The following ARSG variants were observed in gnomAD, a reference collection of about 807,000 sequenced individuals.
The protein encoded by ARSG is ASG.
A neutral mutation model predicts 50.5 loss-of-function variants in ARSG; 37 were observed. That is an observed-to-expected ratio of 0.73 (90% CI 0.56 to 0.96). The LOEUF (loss-of-function observed/expected upper bound fraction) is 0.96. Among genes scored for constraint, ARSG ranks in the 50% least tolerant of loss-of-function variants. ARSG has a pLI of 0.00. For missense variants in ARSG, 629 were observed against 675.3 expected, an observed-to-expected ratio of 0.93 and a Z score of 0.76; for synonymous variants, 225 against 254.6, an observed-to-expected ratio of 0.88 and a Z score of 1.11.
intron 2 of ARSG, among the ~76,000 whole-genome samples, chr17:68,326,809 G>A (rs1421156850): frequency 2.0e-5 from 3 of 152,194 alleles, no homozygotes; most frequent in Admixed American, 1.3e-4. Flanking sequence ...CCCGTGTTGT[G>A]TCACACCTGG....
At chr17:68,267,448 A>G (rs1284387448) in intron 1 of ARSG, 4 of 152,116 alleles carry the variant, frequency 2.6e-5, no homozygotes, top group Admixed American at 6.5e-5. Flanking sequence ...TCTATGGCTG[A>G]TAAGATGCTC....
downstream of ARSG, among the ~76,000 whole-genome samples, chr17:68,426,404 A>G (rs546141142): frequency 6.6e-6 from 1 of 151,798 alleles, no homozygotes; most frequent in South Asian, 2.1e-4. Context: ...ACCTCTTTGA[A>G]TTTTTCTTTG....
the ARSG span, among the ~76,000 whole-genome samples, chr17:68,437,791 T>C: frequency 3.3e-5 from 5 of 151,802 alleles, no homozygotes; most frequent in African/African-American, 4.8e-5. Context: ...TGTTTTTATT[T>C]ATAAGGGGAT....
chr17:68,396,416 C>T (rs1398829040), intron 10 of ARSG, among the ~76,000 whole-genome samples: 1 of 152,208 alleles, frequency 6.6e-6, no homozygotes, highest in African/African-American at 2.4e-5. Context: ...CTGAAGCACT[C>T]ATTGGCAGTG....
intron 1 of ARSG, among the ~76,000 whole-genome samples, chr17:68,270,241 G>A (rs1485341022): frequency 1.3e-5 from 2 of 152,122 alleles, no homozygotes; most frequent in African/African-American, 4.8e-5. Flanking sequence ...TGCCTAGCAT[G>A]AGAGAAGGCA....
chr17:68,318,307 G>C (rs1341056132), intron 2 of ARSG, among the ~76,000 whole-genome samples: 1 of 152,182 alleles, frequency 6.6e-6, no homozygotes, highest in Non-Finnish European at 1.5e-5. Flanking sequence ...ACACTAGTTT[G>C]GTTCTTGCTG....
intron 11 of ARSG, among the ~76,000 whole-genome samples, chr17:68,407,908 T>C (rs920663489): frequency 5.9e-5 from 9 of 152,070 alleles, no homozygotes; most frequent in Non-Finnish European, 1.2e-4. Flanking sequence ...TCCAGTAGTA[T>C]GTTGAAGAGG....
chr17:68,426,254 G>GGGGGGGGGGGCCCCCCCCCCCCCC, downstream of ARSG: 1 of 816,922 alleles, frequency 1.2e-6, no homozygotes, highest in Non-Finnish European at 1.9e-6. Context: ...GGGAGCGGGG[G>GGGGGGGGGGGCCCCCCCCCCCCCC]CTCAAATAAA....
At chr17:68,433,585 C>T in the ARSG span, 6 of 1,610,066 alleles carry the variant, frequency 3.7e-6, no homozygotes, top group Admixed American at 8.3e-5. Context: ...CCTACAAGCA[C>T]AGCAACACAT....
intron 1 of ARSG, chr17:68,270,763 T>C (rs2075313290): frequency 7.6e-7 from 1 of 1,319,196 alleles, no homozygotes; most frequent in African/African-American, 1.5e-5. Context: ...AAGTTTTTTT[T>C]ATGGCTTGAA....
intron 9 of ARSG, 93 bp downstream of exon 9, chr17:68,385,265 TGGAGGCATGGGTGGCTAGAG>T: frequency 2.7e-6 from 3 of 1,108,198 alleles, no homozygotes; most frequent in Non-Finnish European, 4.1e-6. Context: ...GGTGGCTAGA[TGGAGGCATGGGTGGCTAGAG>T]GCCTCAGGAA....
chr17:68,319,640 C>T (rs553024430), intron 2 of ARSG, among the ~76,000 whole-genome samples: 1 of 152,324 alleles, frequency 6.6e-6, no homozygotes, highest in South Asian at 2.1e-4. Flanking sequence ...TCTTTTAAGC[C>T]TCCCAAATAC....
At position 68,412,740 on chromosome 17, in the gene ARSG, C is replaced by T. The variant is rs940103410; in HGVS notation, c.1304-7449C>T. Among the ~76,000 whole-genome samples, 1,360 of 152,230 alleles carry T rather than the reference C, an allele frequency of 8.9e-3. 22 individuals are homozygous for T. The highest frequency in any genetic ancestry group is 0.031 in the African/African-American group (1,283 of 41,510). ...TTTTCCAACTTGGTTCCATTCTCCC[C>T]GTCACTTTCAGGTACACCAATCAGA... On this transcript the variant is annotated intron_variant, in intron 11 of 11. Coordinates refer to ENST00000621439, the MANE Select transcript of ARSG (RefSeq NM_001267727.2).
chr17:68,347,918 A>C (rs1353954266), intron 4 of ARSG, among the ~76,000 whole-genome samples: 1 of 152,106 alleles, frequency 6.6e-6, no homozygotes, highest in Non-Finnish European at 1.5e-5. Context: ...CTGCCCCAGT[A>C]TCTCTCCCTA....
chr17:68,424,301 C>T, downstream of ARSG: 1 of 412,324 alleles, frequency 2.4e-6, no homozygotes, highest in Non-Finnish European at 4.8e-6. Flanking sequence ...GACCGACCCG[C>T]AGAGCCGATG....
the ARSG span, chr17:68,435,832 C>G: frequency 1.1e-6 from 1 of 906,176 alleles, no homozygotes; most frequent in Non-Finnish European, 1.8e-6. Context: ...GTCTCTTCCT[C>G]TGTCCCCCAG....
At chr17:68,340,749 C>G (rs2078233342) in intron 2 of ARSG, among the ~76,000 whole-genome samples, 1 of 152,066 alleles carries the variant, frequency 6.6e-6, no homozygotes, top group African/African-American at 2.4e-5. Flanking sequence ...AAAGGAGAGC[C>G]AATTCCTTTT....
chr17:68,437,016 A>ATGTGTGTGTGTG, the ARSG span, among the ~76,000 whole-genome samples: 10,396 of 144,542 alleles, frequency 0.072, 432 homozygotes, highest in Middle Eastern at 0.11. Flanking sequence ...ATATATATAT[A>ATGTGTGTGTGTG]TGTGTGTGTG....
At chr17:68,338,619 C>G (rs746475475) in intron 2 of ARSG, among the ~76,000 whole-genome samples, 4 of 152,186 alleles carry the variant, frequency 2.6e-5, no homozygotes, top group Non-Finnish European at 5.9e-5. Flanking sequence ...GGCTCTACCC[C>G]TTCCAGCAGT....
Sources: allele counts gnomAD v4.1 joint callset (sites outside exome capture counted in the v4.1 genomes callset), GRCh38; gene constraint gnomAD v4.1.1; transcripts MANE v1.5; gene names NCBI Gene and HGNC (gene_info 2026-07-23, HGNC 2026-07-21).